Variants in FAM53B observed in about 807,000 individuals in gnomAD.
The protein encoded by FAM53B is family with sequence similarity 53 member B, also known as protein FAM53B.
In FAM53B, 12 loss-of-function variants were observed where a neutral mutation model predicts 32.7. The observed-to-expected ratio is 0.37, with a 90% CI of 0.24 to 0.59. The LOEUF is 0.59. Among genes scored for constraint, FAM53B ranks in the 20% least tolerant of loss-of-function variants. The pLI is 0.72. For synonymous variants in FAM53B, 234 were observed against 228.7 expected, an observed-to-expected ratio of 1.02 and a Z score of -0.21; for missense variants, 477 against 577.7, an observed-to-expected ratio of 0.83 and a Z score of 1.79.
At chr10:124,739,273 C>A (rs955095106) in intron 1 of FAM53B, among the ~76,000 whole-genome samples, 3 of 152,248 alleles carry the variant, frequency 2.0e-5, no homozygotes, top group Non-Finnish European at 4.4e-5. Flanking sequence ...TTTCTGCCTT[C>A]CGGCTATGTG....
chr10:124,688,863 T>C (rs953666497), intron 3 of FAM53B, among the ~76,000 whole-genome samples: 1 of 152,216 alleles, frequency 6.6e-6, no homozygotes, highest in Non-Finnish European at 1.5e-5. Flanking sequence ...TGGGGGACTA[T>C]AAACCTTCAT....
At chr10:124,714,577 G>A (rs1014685426) in intron 1 of FAM53B, among the ~76,000 whole-genome samples, 12 of 151,924 alleles carry the variant, frequency 7.9e-5, no homozygotes, top group Non-Finnish European at 1.5e-4. Flanking sequence ...TGGCTAACAC[G>A]GTGAAACCCC....
rs531883232 is a variant in FAM53B, at chr10:124,626,196, G to A, written c.907-2592C>T. On this transcript the variant is annotated intron_variant, in intron 4 of 4. Coordinates refer to ENST00000337318, the MANE Select transcript of FAM53B (RefSeq NM_014661.4). ...GTTTTCTGTGGCCTCGCACGTGAAC[G>A]CAGCAGGAGCGCAGCCTGCGCAATC... 7.2e-4 allele frequency among the ~76,000 whole-genome samples: 110 copies of A among 152,382 alleles called. 1 individual carries two copies. In the South Asian group the frequency reaches 0.021, roughly 30 times the overall value.
intron 1 of FAM53B, among the ~76,000 whole-genome samples, chr10:124,708,929 G>C (rs1281201070): frequency 1.3e-5 from 2 of 152,244 alleles, no homozygotes; most frequent in Admixed American, 1.3e-4. Flanking sequence ...AGTGGCCTTT[G>C]CCAAGTTACT....
intron 3 of FAM53B, among the ~76,000 whole-genome samples, chr10:124,688,774 A>T (rs1949816672): frequency 6.6e-6 from 1 of 152,170 alleles, no homozygotes; most frequent in African/African-American, 2.4e-5. Context: ...GAGGAATACG[A>T]ATGGCATTTG....
intron 4 of FAM53B, among the ~76,000 whole-genome samples, chr10:124,661,333 T>C (rs1949629998): frequency 6.6e-6 from 1 of 152,180 alleles, no homozygotes; most frequent in Non-Finnish European, 1.5e-5. Flanking sequence ...CCCCAGGTCA[T>C]GCTGTGATGA....
intron 1 of FAM53B, among the ~76,000 whole-genome samples, chr10:124,719,055 A>AG (rs1468409862): frequency 2.3e-5 from 3 of 131,492 alleles, no homozygotes; most frequent in African/African-American, 7.8e-5. Flanking sequence ...AATAAAAAAA[A>AG]AGAAGAAGAA....
chr10:124,681,167 G>A (rs1949768490), intron 4 of FAM53B, among the ~76,000 whole-genome samples: 1 of 152,180 alleles, frequency 6.6e-6, no homozygotes, highest in African/African-American at 2.4e-5. Context: ...GCTAGCTCTT[G>A]GAAACCATTA....
At chr10:124,737,807 G>C (rs1369967876) in intron 1 of FAM53B, among the ~76,000 whole-genome samples, 1 of 152,162 alleles carries the variant, frequency 6.6e-6, no homozygotes, top group African/African-American at 2.4e-5. Flanking sequence ...GAGTTGCCAG[G>C]ATATGCCCTG....
rs375398958 is a variant in FAM53B, at chr10:124,660,252, C to T, written c.906+21355G>A. 2.6e-4 allele frequency among the ~76,000 whole-genome samples: 39 copies of T among 152,290 alleles called. No homozygotes were observed. In the East Asian group the frequency reaches 7.5e-3, roughly 29 times the overall value. On this transcript the variant is annotated intron_variant, in intron 4 of 4. Transcript: ENST00000337318. The stretch of plus-strand genomic sequence containing the variant: ...AGACAGAGGAAATTGAGGCAGCAAA[C>T]GAACGCAGAGCAAACGATCCATCCT...
At chr10:124,735,032 C>T (rs1950165554) in intron 1 of FAM53B, among the ~76,000 whole-genome samples, 1 of 152,204 alleles carries the variant, frequency 6.6e-6, no homozygotes, top group African/African-American at 2.4e-5. Context: ...CGGAATCACA[C>T]CGCAGGCCGA....
chr10:124,666,104 G>A (rs1286328513), intron 4 of FAM53B, among the ~76,000 whole-genome samples: 2 of 152,318 alleles, frequency 1.3e-5, no homozygotes, highest in East Asian at 1.9e-4. Flanking sequence ...TAGACTCTGA[G>A]GGCCCAGAAA....
At position 124,680,006 on chromosome 10, in the gene FAM53B, G is replaced by C. The variant is rs375445965; in HGVS notation, c.906+1601C>G. On this transcript the variant is annotated intron_variant, in intron 4 of 4. Coordinates refer to ENST00000337318, the MANE Select transcript of FAM53B (RefSeq NM_014661.4). ...GAAGCCATTATCATACCCAGAACTCGGGGCTCTTGGTTTTCCTCAGAAGTC... is the reference window on the plus strand; with the variant it reads ...GAAGCCATTATCATACCCAGAACTCCGGGCTCTTGGTTTTCCTCAGAAGTC... Among the ~76,000 whole-genome samples the C allele has an allele frequency of 4.4e-3, 663 of 152,238 alleles. 2 individuals are homozygous for C. In the Middle Eastern group the frequency reaches 0.044, roughly 10 times the overall value.
chr10:124,692,811 A>G (rs1054213408), intron 3 of FAM53B, among the ~76,000 whole-genome samples: 8 of 151,724 alleles, frequency 5.3e-5, no homozygotes, highest in Non-Finnish European at 1.2e-4. Context: ...AGGCTGAGCT[A>G]CTTGAAAGGG....
At chr10:124,626,354 C>T (rs1234073803) in intron 4 of FAM53B, among the ~76,000 whole-genome samples, 3 of 148,860 alleles carry the variant, frequency 2.0e-5, no homozygotes, top group Non-Finnish European at 3.0e-5. Context: ...GTGTGGGTCT[C>T]GGCACTAACC....
chr10:124,732,030 G>A (rs976644686), intron 1 of FAM53B, among the ~76,000 whole-genome samples: 2 of 152,194 alleles, frequency 1.3e-5, no homozygotes, highest in African/African-American at 2.4e-5. Context: ...CTGAGCAGAG[G>A]AGAGGGCAAC....
intron 1 of FAM53B, among the ~76,000 whole-genome samples, chr10:124,711,788 C>T (rs4465331): frequency 0.28 from 42,461 of 151,982 alleles, 6,929 homozygotes; most frequent in South Asian, 0.41. Flanking sequence ...CACAGTGGCT[C>T]GCACCAGTGA....
intron 4 of FAM53B, among the ~76,000 whole-genome samples, chr10:124,650,590 C>T (rs976599875): frequency 2.0e-5 from 3 of 152,190 alleles, no homozygotes; most frequent in Admixed American, 6.5e-5. Flanking sequence ...CAAATGAGGA[C>T]GCTGCAGCTC....
chr10:124,697,347 T>A (rs1008755515), intron 2 of FAM53B, among the ~76,000 whole-genome samples: 9 of 152,066 alleles, frequency 5.9e-5, no homozygotes, highest in Admixed American at 1.3e-4. Context: ...CAGACAAGAC[T>A]TCCAGGCTGG....
Sources: allele counts gnomAD v4.1 joint callset (sites outside exome capture counted in the v4.1 genomes callset), GRCh38; gene constraint gnomAD v4.1.1; transcripts MANE v1.5; gene names NCBI Gene and HGNC (gene_info 2026-07-23, HGNC 2026-07-21).